Variants in ARMC3 observed in about 807,000 individuals in gnomAD.
ARMC3 encodes armadillo repeat-containing protein 3.
In ARMC3, 74 loss-of-function variants were observed where a neutral mutation model predicts 90.3. That is an observed-to-expected ratio of 0.82 (90% CI 0.68 to 0.99). The LOEUF is 0.99. Among genes scored for constraint, ARMC3 ranks in the 50% least tolerant of loss-of-function variants. The pLI, the probability that ARMC3 is intolerant of heterozygous loss-of-function variation, is 0.00. For missense variants in ARMC3, 958 were observed against 1,042.8 expected (o/e 0.92, Z 1.12); for synonymous variants, 334 against 361.8 (o/e 0.92, Z 0.87).
chr10:22,959,037 A>G, intron 4 of ARMC3, 33 bp from the exon 5 acceptor site: 2 of 1,503,434 alleles, frequency 1.3e-6, no homozygotes, highest in Non-Finnish European at 9.3e-7. Flanking sequence ...ATTATTATTA[A>G]TAAACATCAA....
At chr10:23,016,067 T>G (rs1838257068) in intron 16 of ARMC3, among the ~76,000 whole-genome samples, 1 of 152,194 alleles carries the variant, frequency 6.6e-6, no homozygotes, top group South Asian at 2.1e-4. Flanking sequence ...GAACAACGCC[T>G]TGTTCCCATC....
intron 10 of ARMC3, among the ~76,000 whole-genome samples, chr10:22,993,583 G>A (rs781456495): frequency 1.3e-5 from 2 of 152,062 alleles, no homozygotes; most frequent in East Asian, 1.9e-4. Flanking sequence ...GAGTTGATTC[G>A]AGTCAATTAA....
intron 1 of ARMC3, among the ~76,000 whole-genome samples, chr10:22,928,549 C>A (rs16916144): frequency 0.028 from 4,235 of 152,208 alleles, 207 homozygotes; most frequent in African/African-American, 0.096. Flanking sequence ...CAAGAAGATG[C>A]ATTTTTAGAG....
intron 4 of ARMC3, among the ~76,000 whole-genome samples, chr10:22,958,070 AAC>A (rs1835023476): frequency 6.6e-6 from 1 of 152,144 alleles, no homozygotes. Flanking sequence ...TCAAAACAAA[AAC>A]ACACACACAA....
intron 13 of ARMC3, among the ~76,000 whole-genome samples, chr10:23,006,178 C>T (rs1182254975): frequency 1.3e-5 from 2 of 152,170 alleles, no homozygotes; most frequent in African/African-American, 4.8e-5. Context: ...GTGCTAGGCA[C>T]AGCAGGAAGG....
chr10:22,930,479 G>A (rs1564333075), intron 1 of ARMC3, among the ~76,000 whole-genome samples: 2 of 152,130 alleles, frequency 1.3e-5, no homozygotes, highest in African/African-American at 2.4e-5. Flanking sequence ...TTTAATGGGC[G>A]ATGCAGGCAC....
intron 8 of ARMC3, among the ~76,000 whole-genome samples, chr10:22,976,135 A>C (rs143801175): frequency 1.2e-3 from 178 of 152,288 alleles, no homozygotes; most frequent in African/African-American, 4.1e-3. Flanking sequence ...GAGGAAGGTG[A>C]TATAAGTTCA....
At chr10:22,949,594 G>T (rs1044209240) in intron 3 of ARMC3, among the ~76,000 whole-genome samples, 1 of 152,122 alleles carries the variant, frequency 6.6e-6, no homozygotes, top group African/African-American at 2.4e-5. Context: ...TTAAAAAGAT[G>T]AACAGAGATT....
At chr10:22,950,644 TA>T (rs1834707548) in intron 3 of ARMC3, among the ~76,000 whole-genome samples, 1 of 152,028 alleles carries the variant, frequency 6.6e-6, no homozygotes, top group Admixed American at 6.6e-5. Flanking sequence ...AAAATCAAAT[TA>T]AATATAAATG....
At chr10:22,934,692 G>A (rs962826529) in intron 2 of ARMC3, among the ~76,000 whole-genome samples, 6 of 152,180 alleles carry the variant, frequency 3.9e-5, no homozygotes, top group East Asian at 1.9e-4. Context: ...GCACCACAGT[G>A]AGGATGTGAT....
chr10:22,981,794 A>C (rs1449605831), intron 10 of ARMC3, 94 bp downstream of exon 10: 2 of 1,076,284 alleles, frequency 1.9e-6, no homozygotes, highest in East Asian at 5.1e-5. Flanking sequence ...ACGATAGTCT[A>C]TGAATTTCTT....
chr10:22,962,619 A>C (rs1452468726), intron 7 of ARMC3, among the ~76,000 whole-genome samples: 1 of 152,202 alleles, frequency 6.6e-6, no homozygotes, highest in Non-Finnish European at 1.5e-5. Flanking sequence ...AACAGTAATA[A>C]ACAGATTTCA....
At chr10:22,984,453 CA>C (rs1836320285) in intron 10 of ARMC3, among the ~76,000 whole-genome samples, 1 of 152,042 alleles carries the variant, frequency 6.6e-6, no homozygotes, top group Non-Finnish European at 1.5e-5. Flanking sequence ...GTAAAACTAA[CA>C]AATGCTTTTT....
Position 23,002,054 on chromosome 10 carries a change from G to C in ARMC3, c.1561G>C (p.Gly521Arg), listed in dbSNP as rs1837318867. ...GACGGCCAATGAATTATGCAGGCTC[G>C]GGTGAGTGGATGCCATCTCAAGTTT... is the stretch of plus-strand genomic sequence containing the variant. Reference protein sequence around the residue: ...ELTANELCRLGALDILEEVNV... With the variant: ...ELTANELCRLRALDILEEVNV... Residue 521 changes from glycine to arginine, a missense_variant and splice_region_variant, in exon 12 of 19, where the codon GGG becomes CGG. Coordinates refer to ENST00000298032, the MANE Select transcript of ARMC3 (RefSeq NM_173081.5). 2 of 1,613,052 alleles carry C rather than the reference G, an allele frequency of 1.2e-6. No homozygotes were observed. Among genetic ancestry groups the C allele is most frequent in the East Asian group, 2.2e-5 (1 of 44,844 alleles).
chr10:22,962,049 G>A lies in ARMC3; in HGVS notation c.703G>A (p.Asp235Asn). ...AATGCTAAGAGACAATCAAGGATTG[G>A]ACCATCTTATTAAGATCCTAGAAAC... Reference protein sequence around the residue: ...RTMLRDNQGLDHLIKILETKE... With the variant: ...RTMLRDNQGLNHLIKILETKE... The change falls in exon 7 of 19, where the codon GAC becomes AAC. Residue 235 changes from aspartate (D) to asparagine (N), a missense_variant. Transcript: ENST00000298032. The A allele has an allele frequency of 5.0e-6, 8 of 1,592,414 alleles. No homozygotes were observed. Among genetic ancestry groups the A allele is most frequent in the Non-Finnish European group, 6.8e-6 (8 of 1,171,418 alleles).
intron 10 of ARMC3, among the ~76,000 whole-genome samples, chr10:22,984,149 G>A (rs553355991): frequency 6.6e-6 from 1 of 152,300 alleles, no homozygotes; most frequent in African/African-American, 2.4e-5. Flanking sequence ...ATGCACATAA[G>A]TGTTGCAAAT....
At chr10:22,933,908 A>C (rs189263342) in intron 2 of ARMC3, among the ~76,000 whole-genome samples, 4 of 152,176 alleles carry the variant, frequency 2.6e-5, no homozygotes, top group Admixed American at 6.5e-5. Flanking sequence ...ACCAACCAAC[A>C]AACAAACAAA....
intron 16 of ARMC3, among the ~76,000 whole-genome samples, chr10:23,012,892 T>C (rs11013239): frequency 0.59 from 85,456 of 144,562 alleles, 27,117 homozygotes; most frequent in Non-Finnish European, 0.71. Context: ...CCCCCACCTT[T>C]TTTTTTTTTT....
intron 16 of ARMC3, among the ~76,000 whole-genome samples, chr10:23,012,013 A>C (rs897192366): frequency 2.0e-5 from 3 of 152,144 alleles, no homozygotes; most frequent in African/African-American, 7.2e-5. Context: ...CCCTCAATCA[A>C]AGTGCACCTT....
Sources: allele counts gnomAD v4.1 joint callset (sites outside exome capture counted in the v4.1 genomes callset), GRCh38; gene constraint gnomAD v4.1.1; transcripts MANE v1.5; gene names NCBI Gene and HGNC (gene_info 2026-07-23, HGNC 2026-07-21).